KCTD3: variants seen among roughly 807,000 people sequenced by gnomAD.
KCTD3 encodes the protein potassium channel tetramerization domain containing 3.
KCTD3 carries 41 observed loss-of-function variants against 85.8 expected under a neutral mutation model. The ratio of observed to expected loss-of-function variants is 0.48; its 90% CI spans 0.37 to 0.62. The LOEUF is 0.62. KCTD3 is among the 20% of genes least tolerant of loss of function. The pLI, the probability that KCTD3 is intolerant of heterozygous loss-of-function variation, is 0.00. For synonymous variants in KCTD3, 338 were observed against 345.4 expected (o/e 0.98, Z 0.24); for missense variants, 724 against 989.9 (o/e 0.73, Z 3.60).
At chr1:215,572,892 C>T (rs2102552439) in intron 1 of KCTD3, among the ~76,000 whole-genome samples, 1 of 152,248 alleles carries the variant, frequency 6.6e-6, no homozygotes, top group Non-Finnish European at 1.5e-5. Context: ...GTTTGCTAGG[C>T]TGGGTGAGAT....
intron 10 of KCTD3, among the ~76,000 whole-genome samples, chr1:215,598,641 G>T (rs1370753446): frequency 6.6e-6 from 1 of 151,952 alleles, no homozygotes; most frequent in Non-Finnish European, 1.5e-5. Flanking sequence ...TGTATTGAAG[G>T]AATAGGACAA....
At chr1:215,584,509 C>G (rs1326058931) in intron 8 of KCTD3, among the ~76,000 whole-genome samples, 1 of 152,108 alleles carries the variant, frequency 6.6e-6, no homozygotes, top group Non-Finnish European at 1.5e-5. Context: ...TCATTGCCTG[C>G]AAATACCTGT....
At chr1:215,571,446 C>CT (rs1182204866) in intron 1 of KCTD3, among the ~76,000 whole-genome samples, 1 of 152,098 alleles carries the variant, frequency 6.6e-6, no homozygotes, top group East Asian at 1.9e-4. Flanking sequence ...CTAGACTGTC[C>CT]ATAACCTGTG....
chr1:215,607,168 T>C (rs1027324080), intron 13 of KCTD3, among the ~76,000 whole-genome samples: 10 of 151,930 alleles, frequency 6.6e-5, no homozygotes, highest in Admixed American at 3.9e-4. Context: ...GTAGTAAATA[T>C]TATGTATGTG....
chr1:215,579,179 G>A lies in KCTD3; in HGVS notation c.535+42G>A. 1.9e-6 allele frequency: 3 copies of A among 1,543,922 alleles called. No individual in the cohort carries two copies. In the South Asian group the frequency reaches 3.5e-5, roughly 18 times the overall value. On this transcript the variant is annotated intron_variant, in intron 7 of 17. Transcript: ENST00000259154. ...GAAATAGAAAAAGAAAAATACGTAT[G>A]TTTTTAGTGCTGGGTGATATTGAGT...
chr1:215,586,630 A>G lies in KCTD3; in HGVS notation c.762A>G (p.Ser254=), dbSNP rs1660020033. 1 of 1,614,114 alleles carries G rather than the reference A, an allele frequency of 6.2e-7. No individual in the cohort carries two copies. The highest frequency in any genetic ancestry group is 8.5e-7 in the Non-Finnish European group (1 of 1,179,980). Residue 254 remains serine, a synonymous_variant, in exon 9 of 18, where the codon TCA becomes TCG. Transcript: ENST00000259154. ...GDKDKMVAVA[S]ESSIILWSVQ... ...AAGACAAAATGGTTGCTGTTGCCTC[A>G]GAGAGTAGCATCATCTTGTGGAGTG... is the stretch of plus-strand genomic sequence containing the variant.
chr1:215,617,021 TAATC>T (rs1655483090), intron 15 of KCTD3, among the ~76,000 whole-genome samples: 2 of 152,178 alleles, frequency 1.3e-5, no homozygotes, highest in South Asian at 4.1e-4. Flanking sequence ...GCCAATGATT[TAATC>T]AATCATGCCT....
chr1:215,617,270 C>G (rs982521824), intron 15 of KCTD3, among the ~76,000 whole-genome samples: 2 of 152,122 alleles, frequency 1.3e-5, no homozygotes, highest in African/African-American at 4.8e-5. Flanking sequence ...ATTAGTTGAA[C>G]CTAAGGAGGA....
At chr1:215,616,990 C>T (rs982418955) in intron 15 of KCTD3, among the ~76,000 whole-genome samples, 9 of 152,102 alleles carry the variant, frequency 5.9e-5, no homozygotes, top group Admixed American at 1.3e-4. Flanking sequence ...GGAGAGGAGC[C>T]GAAGGCTAAG....
chr1:215,594,222 TTGAGA>T (rs1202330780), intron 9 of KCTD3, among the ~76,000 whole-genome samples: 3 of 152,130 alleles, frequency 2.0e-5, no homozygotes, highest in Non-Finnish European at 4.4e-5. Flanking sequence ...TATTTCGTAG[TTGAGA>T]TAAGAACCAA....
At chr1:215,577,501 T>C (rs1466069197) in intron 4 of KCTD3, among the ~76,000 whole-genome samples, 169 bp from the exon 5 acceptor site, 2 of 152,110 alleles carry the variant, frequency 1.3e-5, no homozygotes, top group African/African-American at 4.8e-5. Context: ...CAGTTTTTAT[T>C]TACACTTTTT....
intron 3 of KCTD3, among the ~76,000 whole-genome samples, chr1:215,574,614 A>G (rs571119844): frequency 1.3e-5 from 2 of 152,326 alleles, no homozygotes; most frequent in East Asian, 1.9e-4. Context: ...AAAGTGACCA[A>G]TGGTATTTAT....
At chr1:215,586,803 A>C in intron 9 of KCTD3, 118 bp downstream of exon 9, 1 of 755,926 alleles carries the variant, frequency 1.3e-6, no homozygotes, top group Non-Finnish European at 2.1e-6. Context: ...GAGCTGTCAC[A>C]GTATTTAATG....
At chr1:215,604,576 C>T (rs1422263565) in intron 13 of KCTD3, among the ~76,000 whole-genome samples, 1 of 151,112 alleles carries the variant, frequency 6.6e-6, no homozygotes, top group African/African-American at 2.4e-5. Context: ...TGAAACCCCA[C>T]CTCTACCAAA....
chr1:215,582,751 G>C (rs1302560661), intron 8 of KCTD3, among the ~76,000 whole-genome samples: 1 of 151,822 alleles, frequency 6.6e-6, no homozygotes, highest in African/African-American at 2.4e-5. Context: ...TAGTAGAGAC[G>C]GGGTTTCACC....
chr1:215,592,026 T>C (rs965757588), intron 9 of KCTD3, among the ~76,000 whole-genome samples: 1 of 152,144 alleles, frequency 6.6e-6, no homozygotes, highest in African/African-American at 2.4e-5. Context: ...CAAAGAGAGC[T>C]TGTGCAGAGA....
In KCTD3 at chr1:215,577,738, CTTTTAATA is replaced by C; in HGVS notation, c.316+14_316+21del. ...GGGATCACTCCATTAGGTATGTGCTCTTTTAATATTTGGTGTTTATGATTTGACTCATG... is the reference window on the plus strand; with the variant it reads ...GGGATCACTCCATTAGGTATGTGCTCTTTGGTGTTTATGATTTGACTCATG... On this transcript the variant is annotated intron_variant, in intron 5 of 17. Transcript: ENST00000259154. The C allele has an allele frequency of 6.4e-7, 1 of 1,569,960 alleles. No homozygotes were observed. Among genetic ancestry groups the C allele is most frequent in the Non-Finnish European group, 8.8e-7 (1 of 1,140,098 alleles).
At chr1:215,596,942 G>A (rs1385309121) in intron 10 of KCTD3, among the ~76,000 whole-genome samples, 2 of 152,122 alleles carry the variant, frequency 1.3e-5, no homozygotes. Flanking sequence ...ACCCAACAGG[G>A]AGTAGAGACA....
intron 4 of KCTD3, 62 bp from the exon 5 acceptor site, chr1:215,577,608 C>T (rs1331033378): frequency 4.6e-6 from 5 of 1,075,822 alleles, no homozygotes; most frequent in Admixed American, 1.7e-5. Context: ...TTTTTCCTTT[C>T]ATGTCAGATG....
Sources: gnomAD v4.1 joint callset for allele counts (sites outside exome capture counted in the v4.1 genomes callset) on GRCh38, gnomAD v4.1.1 for gene constraint, MANE v1.5 for transcripts, NCBI Gene and HGNC (gene_info 2026-07-23, HGNC 2026-07-21) for gene names.